MGMT: variants seen among roughly 807,000 people sequenced by gnomAD.
The protein encoded by MGMT is methylated-DNA--protein-cysteine methyltransferase.
In MGMT, 14 loss-of-function variants were observed where a neutral mutation model predicts 15.9. The observed-to-expected ratio is 0.88, with a 90% CI of 0.58 to 1.37. The LOEUF is 1.37. MGMT is among the 40% of genes most tolerant of loss of function. MGMT has a pLI of 0.00. For synonymous variants in MGMT, 130 were observed against 118.2 expected (o/e 1.10, Z -0.65); for missense variants, 282 against 268.1 (o/e 1.05, Z -0.36).
At chr10:129,535,449 C>T (rs899364701) in intron 1 of MGMT, among the ~76,000 whole-genome samples, 1 of 152,118 alleles carries the variant, frequency 6.6e-6, no homozygotes, top group African/African-American at 2.4e-5. Context: ...GATGTGTTCC[C>T]CTGTATTCCC....
In MGMT at chr10:129,768,210, A is replaced by T. The variant is rs917566965; in HGVS notation, c.*1213A>T. Among the ~76,000 whole-genome samples the T allele has an allele frequency of 2.0e-5, 3 of 152,178 alleles. No individual in the cohort carries two copies. ...TGGGACCCGCCTTCTATTTCATTTTATCTTAACACCAACGAAAGAAAACCG... is the reference window on the plus strand; with the variant it reads ...TGGGACCCGCCTTCTATTTCATTTTTTCTTAACACCAACGAAAGAAAACCG... On this transcript the variant is annotated 3_prime_UTR_variant, in exon 5 of 5. Transcript: ENST00000651593.
chr10:129,557,516 A>G (rs1846227717), intron 2 of MGMT, among the ~76,000 whole-genome samples: 1 of 152,242 alleles, frequency 6.6e-6, no homozygotes, highest in African/African-American at 2.4e-5. Flanking sequence ...ATAATAACCT[A>G]GGACCTTAAA....
At chr10:129,759,979 G>A (rs553356023) in intron 4 of MGMT, among the ~76,000 whole-genome samples, 4 of 152,310 alleles carry the variant, frequency 2.6e-5, no homozygotes, top group South Asian at 4.1e-4. Flanking sequence ...CTGTGTCCTC[G>A]TCCTTCCCAT....
At position 129,768,557 on chromosome 10, in the gene MGMT, G is replaced by T. The variant is rs569235974; in HGVS notation, c.*1560G>T. Among the ~76,000 whole-genome samples, 31 of 152,366 alleles carry T rather than the reference G, an allele frequency of 2.0e-4. No homozygotes were observed. The highest frequency in any genetic ancestry group is 8.5e-4 in the Admixed American group (13 of 15,310). On this transcript the variant is annotated 3_prime_UTR_variant, in exon 5 of 5. Coordinates refer to ENST00000651593, the MANE Select transcript of MGMT (RefSeq NM_002412.5). The stretch of plus-strand genomic sequence containing the variant: ...GGGTGCACTCTGCCCCAAAGGTGGT[G>T]CCCTGTGTCCCCCACAGATGATGGC...
intron 1 of MGMT, among the ~76,000 whole-genome samples, chr10:129,498,521 T>C (rs888098006): frequency 1.3e-5 from 2 of 152,216 alleles, no homozygotes; most frequent in Admixed American, 1.3e-4. Context: ...CATTGAATTA[T>C]TCACATCAGC....
At chr10:129,731,863 G>T (rs1848501736) in intron 3 of MGMT, among the ~76,000 whole-genome samples, 1 of 152,196 alleles carries the variant, frequency 6.6e-6, no homozygotes, top group Non-Finnish European at 1.5e-5. Flanking sequence ...CTGCCTCAGT[G>T]GAAGACAGCT....
chr10:129,714,541 C>T (rs921936726), intron 3 of MGMT, among the ~76,000 whole-genome samples: 1 of 152,112 alleles, frequency 6.6e-6, no homozygotes, highest in African/African-American at 2.4e-5. Context: ...TAATATTCTA[C>T]CTATAAATTT....
intron 1 of MGMT, among the ~76,000 whole-genome samples, chr10:129,519,216 T>G (rs1302908343): frequency 6.6e-6 from 1 of 152,230 alleles, no homozygotes; most frequent in Non-Finnish European, 1.5e-5. Context: ...TTTGAAGAAT[T>G]TACTGTAAGA....
chr10:129,734,676 A>G (rs1197981131), intron 3 of MGMT, among the ~76,000 whole-genome samples: 1 of 152,164 alleles, frequency 6.6e-6, no homozygotes, highest in African/African-American at 2.4e-5. Flanking sequence ...TTGCCCATTC[A>G]GTATGATATT....
At chr10:129,707,337 G>A (rs761342535) in intron 2 of MGMT, among the ~76,000 whole-genome samples, 15 of 151,780 alleles carry the variant, frequency 9.9e-5, no homozygotes, top group East Asian at 3.9e-4. Context: ...ACAGGCACAC[G>A]AGGCACAGGG....
At chr10:129,606,454 C>T (rs117660817) in intron 2 of MGMT, among the ~76,000 whole-genome samples, 3 of 152,298 alleles carry the variant, frequency 2.0e-5, no homozygotes, top group Non-Finnish European at 4.4e-5. Flanking sequence ...AAGCGTGCAG[C>T]GGGGAGGCCC....
At chr10:129,757,932 C>G (rs919517893) in intron 3 of MGMT, among the ~76,000 whole-genome samples, 1 of 152,192 alleles carries the variant, frequency 6.6e-6, no homozygotes, top group East Asian at 1.9e-4. Flanking sequence ...AAGTCACCCT[C>G]CTGCCACAAA....
At chr10:129,634,007 C>T (rs527403475) in intron 2 of MGMT, among the ~76,000 whole-genome samples, 1 of 152,282 alleles carries the variant, frequency 6.6e-6, no homozygotes, top group African/African-American at 2.4e-5. Flanking sequence ...TGACAGTTTC[C>T]TTCACCCTTT....
At chr10:129,471,711 C>T (rs1428365028) in intron 1 of MGMT, among the ~76,000 whole-genome samples, 1 of 152,132 alleles carries the variant, frequency 6.6e-6, no homozygotes, top group Non-Finnish European at 1.5e-5. Context: ...ACCTACAGGA[C>T]CAGAACCTGG....
chr10:129,725,593 C>G (rs1290033467), intron 3 of MGMT, among the ~76,000 whole-genome samples: 1 of 152,246 alleles, frequency 6.6e-6, no homozygotes, highest in Non-Finnish European at 1.5e-5. Flanking sequence ...ATGCCTATTG[C>G]CCCAGCACGG....
intron 2 of MGMT, among the ~76,000 whole-genome samples, chr10:129,595,279 C>T (rs557484743): frequency 2.6e-5 from 4 of 152,276 alleles, no homozygotes; most frequent in East Asian, 1.9e-4. Context: ...GTGGGCATCT[C>T]GATGTTAACC....
At chr10:129,716,559 T>A (rs1020933114) in intron 3 of MGMT, among the ~76,000 whole-genome samples, 1 of 152,182 alleles carries the variant, frequency 6.6e-6, no homozygotes, top group African/African-American at 2.4e-5. Context: ...GCAACCGAGC[T>A]CAAGAGACAC....
At chr10:129,657,106 A>G (rs1369891565) in intron 2 of MGMT, among the ~76,000 whole-genome samples, 1 of 152,174 alleles carries the variant, frequency 6.6e-6, no homozygotes, top group African/African-American at 2.4e-5. Flanking sequence ...AAGATCCCAT[A>G]GACTGCAAAT....
At chr10:129,716,523 CACTT>C (rs1209135941) in intron 3 of MGMT, among the ~76,000 whole-genome samples, 1 of 152,212 alleles carries the variant, frequency 6.6e-6, no homozygotes, top group Admixed American at 6.5e-5. Flanking sequence ...AGCCTTTCCT[CACTT>C]AGATGGTTTT....
Sources: gnomAD v4.1 joint callset for allele counts (sites outside exome capture counted in the v4.1 genomes callset) on GRCh38, gnomAD v4.1.1 for gene constraint, MANE v1.5 for transcripts, NCBI Gene and HGNC (gene_info 2026-07-23, HGNC 2026-07-21) for gene names.